Variants in CHTF18 observed in about 807,000 individuals in gnomAD.
The protein encoded by CHTF18 is chromosome transmission fidelity protein 18 homolog.
CHTF18 carries 151 observed loss-of-function variants against 113.4 expected under a neutral mutation model. The observed-to-expected ratio is 1.33, with a 90% confidence interval of 1.17 to 1.52. The LOEUF is 1.52. CHTF18 is among the 40% of genes most tolerant of loss of function. The pLI is 0.00. For missense variants in CHTF18, 1,982 were observed against 1,381.6 expected (o/e 1.43, Z -6.89); for synonymous variants, 916 against 598.8 (o/e 1.53, Z -7.74).
At chr16:790,972 G>A in intron 7 of CHTF18, 189 bp from the exon 8 acceptor site, 1 of 1,442,594 alleles carries the variant, frequency 6.9e-7, no homozygotes, top group Non-Finnish European at 9.1e-7. Flanking sequence ...CAGATGGGTT[G>A]TGGCCAGAGC....
intron 10 of CHTF18, 32 bp downstream of exon 10, chr16:792,379 G>A: frequency 6.4e-7 from 1 of 1,560,648 alleles, no homozygotes; most frequent in Admixed American, 1.9e-5. Flanking sequence ...TAGGTGGGTG[G>A]GCGGGCAGGC....
Position 790,372 on chromosome 16 carries a change from C to G in CHTF18, c.725C>G (p.Ala242Gly), listed in dbSNP as rs780364796. ...GERRERLLQE[A>G]QKLSDTLHSL... is the part of the protein sequence containing the mutation. ...CGGCGGGAGCGGCTGCTTCAGGAGG[C>G]CCAGAAGCTTTCAGACACCCTGCAC... The change falls in exon 6 of 22, where the codon GCC becomes GGC. Residue 242 changes from alanine (A) to glycine (G), a missense_variant. Coordinates refer to ENST00000262315, the MANE Select transcript of CHTF18 (RefSeq NM_022092.3). The G allele has an allele frequency of 6.2e-7, 1 of 1,611,880 alleles. No individual in the cohort carries two copies. Among genetic ancestry groups the G allele is most frequent in the South Asian group, 1.1e-5 (1 of 90,906 alleles).
Position 796,941 on chromosome 16 carries a change from A to T in CHTF18, c.2602-20A>T, listed in dbSNP as rs1341181075. On this transcript the variant is annotated intron_variant, in intron 19 of 21. Transcript: ENST00000262315. ...CTGTATCCCTGTGTGGCCAGATCTC[A>T]CAATGCCTGCTCCCTACAGGTGGAT... is the stretch of plus-strand genomic sequence containing the variant. 3.3e-6 allele frequency: 5 copies of T among 1,529,630 alleles called. No individual in the cohort carries two copies. Among genetic ancestry groups the T allele is most frequent in the Admixed American group, 2.0e-5 (1 of 50,944 alleles). 94.8% of individuals were successfully genotyped at this position (1,529,630 alleles called of 1,614,324 possible).
At chr16:794,882 T>G (rs750668699) in intron 15 of CHTF18, 2 of 520,436 alleles carry the variant, frequency 3.8e-6, no homozygotes, top group Non-Finnish European at 6.7e-6. Flanking sequence ...GTCAAGTCAG[T>G]CTCTGTCAAG....
chr16:790,952 AG>A, intron 7 of CHTF18: 13 of 1,435,250 alleles, frequency 9.1e-6, no homozygotes, highest in Non-Finnish European at 1.2e-5. Context: ...TGGGGAGGGC[AG>A]GGGCCTCCCA....
chr16:795,494 C>A, intron 16 of CHTF18, 138 bp downstream of exon 16: 1 of 351,406 alleles, frequency 2.8e-6, no homozygotes, highest in Admixed American at 6.6e-5. Context: ...GTGCCCGCCC[C>A]CCCAAACACA....
chr16:791,342 T>A lies in CHTF18; in HGVS notation c.1076T>A (p.Leu359Gln). ...CTGGAGGAGATGCTGGAGGCTGGGC[T>A]GGACCCGAGCCAGCGACCGAAGCAG... ...QVLEEMLEAG[L>Q]DPSQRPKQKV... is the part of the protein sequence containing the mutation. Residue 359 changes from leucine (L) to glutamine (Q), a missense_variant, in exon 8 of 22, where the codon CTG becomes CAG. Leu to Gln is a moderately radical substitution (Grantham distance 113, BLOSUM62 -2). Transcript: ENST00000262315. The A allele has an allele frequency of 6.2e-7, 1 of 1,606,800 alleles. No homozygotes were observed. The highest frequency in any genetic ancestry group is 1.3e-5 in the African/African-American group (1 of 75,026).
At chr16:790,897 CTG>C (rs1233216310) in intron 7 of CHTF18, 6 of 1,432,944 alleles carry the variant, frequency 4.2e-6, no homozygotes, top group Non-Finnish European at 5.5e-6. Context: ...ATCCAAGTCT[CTG>C]TTCCCTTTCC....
Position 795,305 on chromosome 16 carries a change from GT to G in CHTF18, c.2127del (p.Phe709LeufsTer22). The G allele has an allele frequency of 6.5e-7, 1 of 1,548,500 alleles. No individual in the cohort carries two copies. The highest frequency in any genetic ancestry group is 1.2e-5 in the South Asian group (1 of 83,984). On this transcript the variant is annotated frameshift_variant, in exon 16 of 22. Transcript: ENST00000262315. LOFTEE classifies it high-confidence loss of function. The stretch of plus-strand genomic sequence containing the variant: ...TCCTGCCCGTGGCCTTCCATGTGCT[GT>G]TTGCTTCCAGCCACACACCCAGGAT... ...PFLPVAFHVL[F>X]ASSHTPRITF...
rs1385381911 is a variant in CHTF18 at position 797,957 on chromosome 16, C to T, written c.2910C>T (p.Tyr970=). ...GVSNAVRRSL[Y]IRDLL The stretch of plus-strand genomic sequence containing the variant: ...CCAACGCCGTGCGGCGCAGCCTGTA[C>T]ATCAGGGACTTGCTCTAGTTCTCTG... The change falls in exon 22 of 22, where the codon TAC becomes TAT. Residue 970 remains tyrosine (Y), a synonymous_variant. Transcript: ENST00000262315. 5.6e-6 allele frequency: 9 copies of T among 1,611,866 alleles called. No homozygotes were observed. The highest frequency in any genetic ancestry group is 4.0e-5 in the African/African-American group (3 of 74,934).
intron 15 of CHTF18, 51 bp from the exon 16 acceptor site, chr16:795,081 T>C: frequency 7.0e-7 from 1 of 1,423,744 alleles, no homozygotes; most frequent in Non-Finnish European, 9.5e-7. Flanking sequence ...TCCGTGGTGG[T>C]GCACCTTCCC....
rs986978714 is a variant in CHTF18 at position 792,950 on chromosome 16, A to G, written c.1573-16A>G. The G allele has an allele frequency of 3.2e-6, 5 of 1,550,456 alleles. No homozygotes were observed. Among genetic ancestry groups the G allele is most frequent in the Non-Finnish European group, 4.4e-6 (5 of 1,146,912 alleles). On this transcript the variant is annotated splice_polypyrimidine_tract_variant and intron_variant, in intron 12 of 21. Transcript: ENST00000262315. Reference sequence around the variant, plus strand: ...GGGGCATACCATCGGGCCCTCCAGCAGCCCTTCTCCACCAGGTCTCCCTGC... The same window carrying G: ...GGGGCATACCATCGGGCCCTCCAGCGGCCCTTCTCCACCAGGTCTCCCTGC...
At chr16:791,447 A>G (rs1307188652) in intron 8 of CHTF18, 77 bp downstream of exon 8, 7 of 1,484,090 alleles carry the variant, frequency 4.7e-6, no homozygotes, top group East Asian at 2.5e-5. Context: ...CAGCCTGTTG[A>G]CTTTCTCCAG....
Position 792,775 on chromosome 16 carries a change from G to C in CHTF18, c.1536G>C (p.Pro512=). The C allele has an allele frequency of 6.5e-7, 1 of 1,547,000 alleles. No individual in the cohort carries two copies. The highest frequency in any genetic ancestry group is 8.7e-7 in the Non-Finnish European group (1 of 1,150,324). ...KQQAFLLHFP[P]TLPSRLVQRL... is the part of the protein sequence containing the mutation. ...AGGCCTTCCTGCTCCACTTCCCGCC[G>C]ACTCTGCCCTCGAGGCTGGTGCAGC... The change falls in exon 12 of 22, where the codon CCG becomes CCC. Residue 512 remains proline, a synonymous_variant. Transcript: ENST00000262315.
chr16:790,316 C>A (rs767058178), intron 5 of CHTF18, 31 bp from the exon 6 acceptor site: 4 of 1,611,254 alleles, frequency 2.5e-6, no homozygotes, highest in African/African-American at 1.3e-5. Context: ...GCCGCCTGAG[C>A]CCTCCTGATT....
rs773457729 is a variant in CHTF18 at position 788,970 on chromosome 16, C to T, written c.131C>T (p.Thr44Ile). 1.3e-6 allele frequency: 2 copies of T among 1,569,626 alleles called. No homozygotes were observed. The highest frequency in any genetic ancestry group is 1.7e-6 in the Non-Finnish European group (2 of 1,165,092). Residue 44 changes from threonine to isoleucine, a missense_variant, in exon 2 of 22, where the codon ACC becomes ATC. Physicochemically the swap from Thr to Ile is moderately conservative, Grantham distance 89. Coordinates refer to ENST00000262315, the MANE Select transcript of CHTF18 (RefSeq NM_022092.3). ...TCGCCCTCCGGGGTCCCCCTGTTCA[C>T]CGCGGGCCGACCCCCGCGGACGTTC... Reference protein sequence around the residue: ...TPSPSGVPLFTAGRPPRTFEE... With the variant: ...TPSPSGVPLFIAGRPPRTFEE...
At position 788,729 on chromosome 16, in the gene CHTF18, C is replaced by T. The variant is rs1312285834; in HGVS notation, c.45C>T (p.Phe15=). The T allele has an allele frequency of 2.5e-6, 4 of 1,603,328 alleles. No individual in the cohort carries two copies. Among genetic ancestry groups the T allele is most frequent in the African/African-American group, 1.3e-5 (1 of 74,364 alleles). Residue 15 remains phenylalanine (F), a synonymous_variant, in exon 1 of 22, where the codon TTC becomes TTT. Coordinates refer to ENST00000262315, the MANE Select transcript of CHTF18 (RefSeq NM_022092.3). The part of the protein sequence containing the change: ...EQELCGVEDD[F]HNQFAAELEV... ...AGCTGTGCGGCGTCGAGGATGATTT[C>T]CACAACCAGTTCGCGGCCGAGCTGG...
chr16:793,338 T>C, intron 14 of CHTF18, 64 bp downstream of exon 14: 1 of 1,571,364 alleles, frequency 6.4e-7, no homozygotes. Context: ...ACGCTAGCCC[T>C]GTGTGCAGGC....
rs376892708 is a variant in CHTF18, at chr16:795,778, C to G, written c.2269C>G (p.Leu757Val). The change falls in exon 17 of 22, where the codon CTG (leucine) becomes GTG (valine). Residue 757 changes from leucine to valine, a missense_variant. Transcript: ENST00000262315. The stretch of plus-strand genomic sequence containing the variant: ...GCGCAGCCGGGCCACGCCCCAGGCC[C>G]TGCTCCTCGATGCCCTCTGCCTGCT... ...ATRSRATPQA[L>V]LLDALCLLLD... 8 of 1,609,840 alleles carry G rather than the reference C, an allele frequency of 5.0e-6. No individual in the cohort carries two copies. The African/African-American group carries it at 5.4e-5, about 11-fold the overall frequency.
Sources: gnomAD v4.1 joint callset for allele counts on GRCh38, gnomAD v4.1.1 for gene constraint, MANE v1.5 for transcripts, NCBI Gene and HGNC (gene_info 2026-07-23, HGNC 2026-07-21) for gene names.